TAFA1: variants seen among roughly 807,000 people sequenced by gnomAD.
The protein encoded by TAFA1 is TAFA chemokine like family member 1.
A neutral mutation model predicts 18.5 loss-of-function variants in TAFA1; 4 were observed. The observed-to-expected ratio is 0.22, with a 90% CI of 0.11 to 0.49. The LOEUF is 0.49. Among genes scored for constraint, TAFA1 ranks in the 20% least tolerant of loss-of-function variants. The probability of loss-of-function intolerance (pLI) is 0.98; values close to 1 mark genes in which losing one functional copy is unlikely to be tolerated. For synonymous variants in TAFA1, 56 were observed against 55.2 expected (o/e 1.01, Z -0.06); for missense variants, 147 against 169.0 (o/e 0.87, Z 0.72).
At chr3:68,412,892 A>G (rs2070742623) in intron 2 of TAFA1, among the ~76,000 whole-genome samples, 2 of 151,988 alleles carry the variant, frequency 1.3e-5, no homozygotes, top group South Asian at 2.1e-4. Context: ...GTATATACCC[A>G]GTAAGGGGAT....
intron 3 of TAFA1, among the ~76,000 whole-genome samples, chr3:68,486,072 T>TTTTTATTTTATTTTATTTTATTTTA (rs1438865835): frequency 3.3e-4 from 42 of 127,576 alleles, no homozygotes; most frequent in African/African-American, 1.2e-3. Flanking sequence ...TAAATTTTTA[T>TTTTTATTTTATTTTATTTTATTTTA]TTTTATTTTA....
chr3:68,156,759 A>C (rs2065872087), intron 2 of TAFA1, among the ~76,000 whole-genome samples: 1 of 113,588 alleles, frequency 8.8e-6, no homozygotes, highest in Non-Finnish European at 1.9e-5. Context: ...TTTACTGAGT[A>C]TGTGTTCTGT....
chr3:68,357,717 G>C (rs992111157), intron 2 of TAFA1, among the ~76,000 whole-genome samples: 19 of 151,990 alleles, frequency 1.3e-4, no homozygotes, highest in African/African-American at 4.6e-4. Flanking sequence ...TTCTTGTTAT[G>C]TTGTGCAAAA....
At chr3:68,170,830 G>A (rs141507829) in intron 2 of TAFA1, among the ~76,000 whole-genome samples, 76 of 151,738 alleles carry the variant, frequency 5.0e-4, no homozygotes, top group African/African-American at 1.8e-3. Context: ...GAGACATAGA[G>A]ACTTCTATGG....
At chr3:68,224,894 CACTT>C in intron 2 of TAFA1, among the ~76,000 whole-genome samples, 1 of 117,104 alleles carries the variant, frequency 8.5e-6, no homozygotes, top group African/African-American at 3.3e-5. Context: ...TGGCTTGTGG[CACTT>C]TTTTTTTTTT....
chr3:68,282,414 G>T (rs1409250075), intron 2 of TAFA1, among the ~76,000 whole-genome samples: 1 of 126,430 alleles, frequency 7.9e-6, no homozygotes, highest in East Asian at 2.8e-4. Context: ...GACAGTAAAT[G>T]TGTCATAAAA....
At chr3:68,421,782 T>C (rs1227418165) in intron 3 of TAFA1, among the ~76,000 whole-genome samples, 1 of 152,132 alleles carries the variant, frequency 6.6e-6, no homozygotes, top group African/African-American at 2.4e-5. Context: ...AATGATAATA[T>C]CTGTTTTCTA....
At chr3:68,379,730 T>G (rs1196417048) in intron 2 of TAFA1, among the ~76,000 whole-genome samples, 6 of 151,830 alleles carry the variant, frequency 4.0e-5, no homozygotes, top group Non-Finnish European at 8.8e-5. Flanking sequence ...GTTGATTTTT[T>G]TTTTTGAGTC....
chr3:68,082,472 T>G (rs1271426131), intron 2 of TAFA1, among the ~76,000 whole-genome samples: 4 of 152,200 alleles, frequency 2.6e-5, no homozygotes. Context: ...TGAGGTCAGG[T>G]CCTAAAATAT....
intron 2 of TAFA1, among the ~76,000 whole-genome samples, chr3:68,057,267 T>C (rs1439461796): frequency 6.6e-6 from 1 of 152,208 alleles, no homozygotes; most frequent in Non-Finnish European, 1.5e-5. Flanking sequence ...GTTATCTATG[T>C]TATGGGGCCG....
chr3:68,470,160 T>A (rs141938276), intron 3 of TAFA1, among the ~76,000 whole-genome samples: 6 of 152,280 alleles, frequency 3.9e-5, no homozygotes, highest in Non-Finnish European at 7.4e-5. Flanking sequence ...CTGCACAAGC[T>A]CTCTTGCCTG....
chr3:68,081,292 T>G (rs2064895807), intron 2 of TAFA1, among the ~76,000 whole-genome samples: 1 of 152,202 alleles, frequency 6.6e-6, no homozygotes, highest in Non-Finnish European at 1.5e-5. Flanking sequence ...TTTGATCGTC[T>G]GAAGCCTTCT....
At chr3:68,381,270 T>C (rs1307049943) in intron 2 of TAFA1, among the ~76,000 whole-genome samples, 1 of 151,582 alleles carries the variant, frequency 6.6e-6, no homozygotes, top group Non-Finnish European at 1.5e-5. Context: ...TTTGGTTCCA[T>C]ATGAACTTTA....
chr3:68,106,697 A>G (rs2065208740), intron 2 of TAFA1, among the ~76,000 whole-genome samples: 1 of 152,166 alleles, frequency 6.6e-6, no homozygotes, highest in Non-Finnish European at 1.5e-5. Context: ...AATATCTGCT[A>G]AAGGACTTGT....
intron 2 of TAFA1, among the ~76,000 whole-genome samples, chr3:68,389,011 G>A (rs527870509): frequency 1.3e-5 from 2 of 152,110 alleles, no homozygotes; most frequent in South Asian, 4.2e-4. Context: ...TCTGACCCTG[G>A]GTTAAAGGTC....
intron 2 of TAFA1, among the ~76,000 whole-genome samples, chr3:68,258,044 G>A (rs2067333482): frequency 2.6e-5 from 4 of 152,140 alleles, no homozygotes; most frequent in Admixed American, 2.0e-4. Context: ...GGAGGCTAAG[G>A]AGATATGGGT....
At chr3:68,450,991 G>A (rs2071559211) in intron 3 of TAFA1, among the ~76,000 whole-genome samples, 1 of 152,160 alleles carries the variant, frequency 6.6e-6, no homozygotes, top group Admixed American at 6.5e-5. Flanking sequence ...TTACTTTCCT[G>A]AAGAAACACA....
At chr3:68,403,007 A>G (rs2070528898) in intron 2 of TAFA1, among the ~76,000 whole-genome samples, 1 of 152,228 alleles carries the variant, frequency 6.6e-6, no homozygotes, top group East Asian at 1.9e-4. Context: ...ATAAGATAAC[A>G]TGGTATAATA....
At chr3:68,270,164 A>G (rs1379433875) in intron 2 of TAFA1, among the ~76,000 whole-genome samples, 2 of 152,162 alleles carry the variant, frequency 1.3e-5, no homozygotes, top group East Asian at 3.9e-4. Flanking sequence ...CTATCTATAC[A>G]AGTTCCGGCA....
Sources: allele counts gnomAD v4.1 joint callset (sites outside exome capture counted in the v4.1 genomes callset), GRCh38; gene constraint gnomAD v4.1.1; transcripts MANE v1.5; gene names NCBI Gene and HGNC (gene_info 2026-07-23, HGNC 2026-07-21).